RBMS3: variants seen among roughly 807,000 people sequenced by gnomAD.
RBMS3 encodes the protein RNA-binding motif, single-stranded-interacting protein 3.
A neutral mutation model predicts 66.8 loss-of-function variants in RBMS3; 27 were observed. The ratio of observed to expected loss-of-function variants is 0.40; its 90% CI spans 0.30 to 0.56. The LOEUF (loss-of-function observed/expected upper bound fraction) is 0.56. Ranked by LOEUF, RBMS3 falls within the 20% of genes least tolerant of loss-of-function variation. The probability of loss-of-function intolerance (pLI) is 0.40; values close to 1 mark genes in which losing one functional copy is unlikely to be tolerated. For synonymous variants in RBMS3, 188 were observed against 183.0 expected (o/e 1.03, Z -0.22); for missense variants, 513 against 549.5 (o/e 0.93, Z 0.66).
chr3:29,441,657 C>G, intron 2 of RBMS3, among the ~76,000 whole-genome samples: 1 of 152,238 alleles, frequency 6.6e-6, no homozygotes, highest in East Asian at 1.9e-4. Flanking sequence ...CATGACTACT[C>G]GTGAGAATCC....
intron 4 of RBMS3, among the ~76,000 whole-genome samples, chr3:29,686,881 G>C (rs2051756295): frequency 6.6e-6 from 1 of 152,008 alleles, no homozygotes; most frequent in Non-Finnish European, 1.5e-5. Flanking sequence ...CCTTAGGATT[G>C]TCAGAAATAA....
At chr3:29,972,920 T>C (rs1697318311) in intron 12 of RBMS3, among the ~76,000 whole-genome samples, 2 of 152,186 alleles carry the variant, frequency 1.3e-5, no homozygotes, top group African/African-American at 4.8e-5. Context: ...TTTGATGAAG[T>C]CCCTCAGTTC....
chr3:29,376,582 C>A (rs530590698), intron 1 of RBMS3, among the ~76,000 whole-genome samples: 3 of 151,942 alleles, frequency 2.0e-5, no homozygotes, highest in Admixed American at 1.3e-4. Flanking sequence ...ACCAGCCTGA[C>A]CAACATGGTG....
At chr3:29,640,065 T>TA (rs1164826759) in intron 4 of RBMS3, among the ~76,000 whole-genome samples, 2 of 151,882 alleles carry the variant, frequency 1.3e-5, no homozygotes, top group African/African-American at 2.4e-5. Context: ...AAGCCACTGC[T>TA]ATGTCACTAT....
At chr3:29,575,038 T>C (rs1317370516) in intron 3 of RBMS3, among the ~76,000 whole-genome samples, 5 of 152,122 alleles carry the variant, frequency 3.3e-5, no homozygotes, top group Admixed American at 6.5e-5. Flanking sequence ...ACCACAATTA[T>C]AGTGTTATAC....
At chr3:29,950,040 A>G (rs1019757112) in intron 12 of RBMS3, among the ~76,000 whole-genome samples, 1 of 151,810 alleles carries the variant, frequency 6.6e-6, no homozygotes, top group Admixed American at 6.6e-5. Context: ...CCAGTATTTT[A>G]GCTATTCTAT....
At chr3:29,775,868 C>T in intron 6 of RBMS3, among the ~76,000 whole-genome samples, 1 of 151,880 alleles carries the variant, frequency 6.6e-6, no homozygotes. Flanking sequence ...GTAAAGTCTC[C>T]TATTGTAGAG....
chr3:29,332,348 C>G (rs1430661473), intron 1 of RBMS3, among the ~76,000 whole-genome samples: 1 of 152,006 alleles, frequency 6.6e-6, no homozygotes, highest in Non-Finnish European at 1.5e-5. Context: ...TTCCTAAGGT[C>G]TTTATTCACA....
chr3:29,928,067 A>G (rs1559808369), intron 10 of RBMS3, among the ~76,000 whole-genome samples: 1 of 151,754 alleles, frequency 6.6e-6, no homozygotes, highest in East Asian at 1.9e-4. Context: ...ACTATGAAAA[A>G]CTAACGCAGC....
At chr3:29,976,022 A>G (rs1018307681) in intron 12 of RBMS3, among the ~76,000 whole-genome samples, 3 of 151,922 alleles carry the variant, frequency 2.0e-5, no homozygotes, top group East Asian at 1.9e-4. Context: ...CTAATTTGTA[A>G]TATAGAAGTT....
chr3:30,003,600 A>T (rs1353275351), intron 14 of RBMS3, among the ~76,000 whole-genome samples: 3 of 151,960 alleles, frequency 2.0e-5, no homozygotes, highest in African/African-American at 7.2e-5. Flanking sequence ...TACTCAAAGG[A>T]TCTGTAAGGA....
intron 1 of RBMS3, among the ~76,000 whole-genome samples, chr3:29,424,032 C>T (rs981467635): frequency 3.3e-5 from 5 of 152,134 alleles, no homozygotes; most frequent in Admixed American, 6.5e-5. Context: ...GAGCATAAAG[C>T]TCTTAGAATT....
intron 4 of RBMS3, among the ~76,000 whole-genome samples, chr3:29,628,403 C>A (rs1385321766): frequency 6.6e-6 from 1 of 152,110 alleles, no homozygotes; most frequent in African/African-American, 2.4e-5. Flanking sequence ...TTCCACCTAC[C>A]TCTCAGAATG....
At position 29,520,934 on chromosome 3, in the gene RBMS3, G is replaced by C. The variant is rs181945944; in HGVS notation, c.307+32435G>C. On this transcript the variant is annotated intron_variant, in intron 3 of 14. Coordinates refer to ENST00000383767, the MANE Select transcript of RBMS3 (RefSeq NM_001003793.3). Reference sequence around the variant, plus strand: ...CTAATATTAACTGTTCTCTCTGCCTGTAGAGTGCTTTCCACGGAGAGTCTC... The same window carrying C: ...CTAATATTAACTGTTCTCTCTGCCTCTAGAGTGCTTTCCACGGAGAGTCTC... Among the ~76,000 whole-genome samples, 563 of 152,192 alleles carry C rather than the reference G, an allele frequency of 3.7e-3. 14 individuals are homozygous for C. Among genetic ancestry groups the C allele is most frequent in the Admixed American group, 0.028 (422 of 15,284 alleles).
intron 2 of RBMS3, among the ~76,000 whole-genome samples, chr3:29,459,332 C>T (rs1419355028): frequency 6.6e-6 from 1 of 152,164 alleles, no homozygotes; most frequent in South Asian, 2.1e-4. Context: ...TCAGTAGTCT[C>T]ATCATGTAGA....
At chr3:29,637,853 G>T (rs2149189329) in intron 4 of RBMS3, among the ~76,000 whole-genome samples, 1 of 151,864 alleles carries the variant, frequency 6.6e-6, no homozygotes, top group Admixed American at 6.6e-5. Flanking sequence ...CAATAAACTT[G>T]CCTGACAACA....
At chr3:29,438,026 G>T (rs1424237911) in intron 2 of RBMS3, among the ~76,000 whole-genome samples, 1 of 113,104 alleles carries the variant, frequency 8.8e-6, no homozygotes, top group Non-Finnish European at 1.7e-5. Context: ...AACCTTGCTT[G>T]TTTCTCTCTC....
At chr3:29,408,472 G>GA (rs573746928) in intron 1 of RBMS3, among the ~76,000 whole-genome samples, 1 of 151,530 alleles carries the variant, frequency 6.6e-6, no homozygotes, top group East Asian at 1.9e-4. Context: ...GATGGTTTAG[G>GA]AAAAAAAATC....
chr3:29,940,689 C>G (rs1452420088), intron 11 of RBMS3, among the ~76,000 whole-genome samples: 5 of 151,722 alleles, frequency 3.3e-5, no homozygotes, highest in African/African-American at 1.2e-4. Flanking sequence ...TAACCTTTCT[C>G]TACAATTTGC....
Sources: gnomAD v4.1 joint callset for allele counts (sites outside exome capture counted in the v4.1 genomes callset) on GRCh38, gnomAD v4.1.1 for gene constraint, MANE v1.5 for transcripts, NCBI Gene and HGNC (gene_info 2026-07-23, HGNC 2026-07-21) for gene names.